The following PTPRZ1 variants were observed in gnomAD, a reference collection of about 807,000 sequenced individuals.
The protein encoded by PTPRZ1 is receptor-type tyrosine-protein phosphatase zeta.
PTPRZ1 carries 82 observed loss-of-function variants against 214.1 expected under a neutral mutation model. The ratio of observed to expected loss-of-function variants is 0.38; its 90% confidence interval spans 0.32 to 0.46. The LOEUF is 0.46. Ranked by LOEUF, PTPRZ1 falls within the 20% of genes least tolerant of loss-of-function variation. The probability of loss-of-function intolerance (pLI) is 1.00; values close to 1 mark genes in which losing one functional copy is unlikely to be tolerated. For synonymous variants in PTPRZ1, 945 were observed against 987.9 expected, an observed-to-expected ratio of 0.96 and a Z score of 0.81; for missense variants, 2,603 against 2,748.7, an observed-to-expected ratio of 0.95 and a Z score of 1.19.
At chr7:122,030,240 C>T (rs145460777) in intron 14 of PTPRZ1, among the ~76,000 whole-genome samples, 91 of 151,992 alleles carry the variant, frequency 6.0e-4, no homozygotes, top group African/African-American at 1.9e-3. Context: ...TGCATGTTTT[C>T]GTGTAAAAAT....
rs75648932 is a variant in PTPRZ1, at chr7:121,999,460, G to A, written c.1240+1454G>A. On this transcript the variant is annotated intron_variant, in intron 10 of 29. Coordinates refer to ENST00000393386, the MANE Select transcript of PTPRZ1 (RefSeq NM_002851.3). ...CCTTTAGCCATACAACATTGATCATGTTGGCCAACACCATATGTGAATTGA... is the reference window on the plus strand; with the variant it reads ...CCTTTAGCCATACAACATTGATCATATTGGCCAACACCATATGTGAATTGA... 4.1e-3 allele frequency among the ~76,000 whole-genome samples: 621 copies of A among 152,232 alleles called. 2 individuals carry two copies. Among genetic ancestry groups the A allele is most frequent in the African/African-American group, 0.014 (598 of 41,546 alleles).
chr7:121,922,562 G>A (rs761959068), intron 1 of PTPRZ1, among the ~76,000 whole-genome samples: 3 of 152,152 alleles, frequency 2.0e-5, no homozygotes, highest in South Asian at 4.2e-4. Context: ...GTGACAGAGC[G>A]GGACTCCGCC....
At chr7:121,891,451 CTTTTTTTTTT>C (rs58135453) in intron 1 of PTPRZ1, among the ~76,000 whole-genome samples, 20 of 35,756 alleles carry the variant, frequency 5.6e-4, no homozygotes, top group South Asian at 4.8e-3. Context: ...AAAACAACCT[CTTTTTTTTTT>C]TTTTTTTTTT....
intron 1 of PTPRZ1, 83 bp from the exon 2 acceptor site, chr7:121,928,073 T>C: frequency 1.0e-6 from 1 of 961,818 alleles, no homozygotes; most frequent in East Asian, 2.4e-5. Flanking sequence ...AAGAACTATT[T>C]ATGGTATGAA....
At chr7:121,922,017 T>TGTCAACCTTC (rs1795614275) in intron 1 of PTPRZ1, among the ~76,000 whole-genome samples, 3 of 152,194 alleles carry the variant, frequency 2.0e-5, no homozygotes, top group African/African-American at 7.2e-5. Flanking sequence ...AAGCCAATCC[T>TGTCAACCTTC]TAACATTGAA....
intron 1 of PTPRZ1, among the ~76,000 whole-genome samples, chr7:121,882,201 A>T (rs1164233616): frequency 6.6e-6 from 1 of 152,238 alleles, no homozygotes; most frequent in East Asian, 1.9e-4. Context: ...TCCTTGGGAT[A>T]AATATTCCTC....
chr7:121,905,645 T>C (rs1236775991), intron 1 of PTPRZ1, among the ~76,000 whole-genome samples: 2 of 55,706 alleles, frequency 3.6e-5, no homozygotes, highest in African/African-American at 7.8e-5. Context: ...CTGGGTTCTA[T>C]TCTTTACACA....
chr7:121,873,795 C>T (rs1215351342), intron 1 of PTPRZ1, among the ~76,000 whole-genome samples: 1 of 152,172 alleles, frequency 6.6e-6, no homozygotes, highest in Non-Finnish European at 1.5e-5. Flanking sequence ...GGCATTCGTG[C>T]CCCGGGCCCC....
Position 122,011,666 on chromosome 7 carries a change from G to T in PTPRZ1, c.2620G>T (p.Ala874Ser), listed in dbSNP as rs1284253794. 40 of 1,613,924 alleles carry T rather than the reference G, an allele frequency of 2.5e-5. No individual in the cohort carries two copies. The highest frequency in any genetic ancestry group is 3.1e-5 in the Non-Finnish European group (37 of 1,180,014). Residue 874 changes from alanine to serine, a missense_variant, in exon 12 of 30, where the codon GCT becomes TCT. Physicochemically the swap from Ala to Ser is moderately conservative, Grantham distance 99 (BLOSUM62 1). This residue lies in a region of PTPRZ1 where 1,913 missense variants were observed against 1,914.3 expected (regional missense o/e 1.00). Transcript: ENST00000393386. Reference protein sequence around the residue: ...GGDLLLEPSLAQYSDVLSTTH... With the variant: ...GGDLLLEPSLSQYSDVLSTTH... ...TGATTTGCTATTAGAGCCCAGCCTT[G>T]CTCAGTATTCTGATGTGCTGTCCAC...
rs571786011 is a variant in PTPRZ1 at position 121,999,584 on chromosome 7, T to C, written c.1240+1578T>C. 1.6e-3 allele frequency among the ~76,000 whole-genome samples: 237 copies of C among 152,334 alleles called. 1 individual carries two copies. Among genetic ancestry groups the C allele is most frequent in the African/African-American group, 5.5e-3 (227 of 41,590 alleles). On this transcript the variant is annotated intron_variant, in intron 10 of 29. Transcript: ENST00000393386. ...TTCACTTAATTTTGTTACCTTGGTT[T>C]AATTATGCTACTCTAATTTCGTACC...
At chr7:121,991,361 G>A (rs1460927293) in intron 8 of PTPRZ1, among the ~76,000 whole-genome samples, 9 of 152,124 alleles carry the variant, frequency 5.9e-5, no homozygotes, top group African/African-American at 2.2e-4. Context: ...TAGAATTATG[G>A]ATGCACTTCA....
intron 1 of PTPRZ1, among the ~76,000 whole-genome samples, chr7:121,888,941 G>A (rs1032463842): frequency 6.6e-6 from 1 of 152,072 alleles, no homozygotes; most frequent in Non-Finnish European, 1.5e-5. Context: ...TAGCTATAAG[G>A]AATGATTAAG....
intron 13 of PTPRZ1, among the ~76,000 whole-genome samples, chr7:122,021,177 C>T (rs1421137993): frequency 1.3e-5 from 2 of 152,052 alleles, no homozygotes; most frequent in East Asian, 3.9e-4. Context: ...GTTTCTTAAT[C>T]TGTGTTACTT....
chr7:122,024,695 C>A (rs1379392078), intron 13 of PTPRZ1, among the ~76,000 whole-genome samples: 2 of 151,942 alleles, frequency 1.3e-5, no homozygotes, highest in Non-Finnish European at 2.9e-5. Context: ...TTTTCTAGAA[C>A]CAACAAAGAT....
intron 1 of PTPRZ1, among the ~76,000 whole-genome samples, chr7:121,918,447 G>A (rs1348959846): frequency 6.6e-6 from 1 of 152,064 alleles, no homozygotes; most frequent in African/African-American, 2.4e-5. Context: ...TATCTTGGTA[G>A]CTGAAGTACT....
In PTPRZ1 at chr7:122,012,930, C is replaced by A. The variant is rs746068260; in HGVS notation, c.3884C>A (p.Thr1295Lys). ...SLYSNDELFQ[T>K]ANLEINQAHP... ...TACAGTAATGATGAGTTGTTCCAAA[C>A]GGCCAATTTGGAGATTAACCAGGCC... is the stretch of plus-strand genomic sequence containing the variant. Residue 1295 changes from threonine to lysine, a missense_variant, in exon 12 of 30, where the codon ACG (threonine) becomes AAG (lysine). Coordinates refer to ENST00000393386, the MANE Select transcript of PTPRZ1 (RefSeq NM_002851.3). 6.2e-7 allele frequency: 1 copy of A among 1,613,984 alleles called. No homozygotes were observed.
intron 13 of PTPRZ1, 121 bp downstream of exon 13, chr7:122,019,389 T>G (rs1006741865): frequency 3.0e-6 from 3 of 995,820 alleles, no homozygotes; most frequent in Admixed American, 5.5e-5. Context: ...GCCATTAATT[T>G]ATTCAAGGTA....
chr7:121,968,223 A>C (rs759341992), intron 3 of PTPRZ1, 93 bp downstream of exon 3: 127 of 1,104,020 alleles, frequency 1.2e-4, no homozygotes, highest in Non-Finnish European at 6.0e-5. Context: ...TGAATAGTGT[A>C]CTATGAACTA....
intron 1 of PTPRZ1, among the ~76,000 whole-genome samples, chr7:121,903,001 C>T (rs1795014360): frequency 6.6e-6 from 1 of 152,086 alleles, no homozygotes; most frequent in Non-Finnish European, 1.5e-5. Flanking sequence ...CAGCTGTCTA[C>T]CACAAATTTC....
Sources: allele counts gnomAD v4.1 joint callset (sites outside exome capture counted in the v4.1 genomes callset), GRCh38; gene constraint gnomAD v4.1.1; regional missense constraint gnomAD v4.1.1; transcripts MANE v1.5; gene names NCBI Gene and HGNC (gene_info 2026-07-23, HGNC 2026-07-21).